The following HNRNPC variants were observed in gnomAD, a reference collection of about 807,000 sequenced individuals.
HNRNPC encodes heterogeneous nuclear ribonucleoproteins C1/C2.
A neutral mutation model predicts 33.2 loss-of-function variants in HNRNPC; 3 were observed. The ratio of observed to expected loss-of-function variants is 0.09; its 90% CI spans 0.04 to 0.23. The LOEUF (loss-of-function observed/expected upper bound fraction) is 0.23, where lower values mean the gene tolerates loss of function less well. Ranked by LOEUF, HNRNPC falls within the 10% of genes least tolerant of loss-of-function variation. The probability of loss-of-function intolerance (pLI) is 1.00; values close to 1 mark genes in which losing one functional copy is unlikely to be tolerated. For missense variants in HNRNPC, 143 were observed against 366.7 expected (o/e 0.39, Z 4.98); for synonymous variants, 121 against 126.7 (o/e 0.96, Z 0.30).
At chr14:21,221,116 G>T (rs546281891) in intron 5 of HNRNPC, among the ~76,000 whole-genome samples, 1 of 152,196 alleles carries the variant, frequency 6.6e-6, no homozygotes, top group East Asian at 1.9e-4. Context: ...AAAAAACACA[G>T]CTATTGTGCC....
At chr14:21,213,918 T>C (rs1215235782) in intron 5 of HNRNPC, among the ~76,000 whole-genome samples, 1 of 152,234 alleles carries the variant, frequency 6.6e-6, no homozygotes, top group African/African-American at 2.4e-5. Context: ...ATTAGAAATC[T>C]TAATTTCAAA....
At chr14:21,219,264 G>GC (rs1399260672) in intron 5 of HNRNPC, among the ~76,000 whole-genome samples, 2 of 152,130 alleles carry the variant, frequency 1.3e-5, no homozygotes, top group African/African-American at 4.8e-5. Flanking sequence ...GAGTGAAGGT[G>GC]CATTTCAGAG....
chr14:21,257,477 G>A (rs1451188053), intron 2 of HNRNPC, among the ~76,000 whole-genome samples: 1 of 151,862 alleles, frequency 6.6e-6, no homozygotes, highest in Non-Finnish European at 1.5e-5. Context: ...CCTGGGCTTA[G>A]TTAATGCATC....
At chr14:21,233,906 G>GA (rs752639827) in intron 3 of HNRNPC, 47 bp downstream of exon 3, 2 of 1,579,288 alleles carry the variant, frequency 1.3e-6, no homozygotes, top group East Asian at 2.2e-5. Context: ...AACGTGAATA[G>GA]AAAAACTCAG....
At chr14:21,263,029 A>C (rs906855216) in intron 2 of HNRNPC, 1 of 152,126 alleles carries the variant, frequency 6.6e-6, no homozygotes, top group Non-Finnish European at 1.5e-5. Context: ...TTGGGAGAGA[A>C]AAGGTTTACG....
In HNRNPC at chr14:21,211,611, C is replaced by G. The variant is rs375059313; in HGVS notation, c.638-45G>C. 2.5e-6 allele frequency: 4 copies of G among 1,572,188 alleles called. No homozygotes were observed. In the Middle Eastern group the frequency reaches 5.0e-4, roughly 197 times the overall value. ...GTCTGTCTAGGGGCAGTAATGTCCA[C>G]AGGACGTAGACAATCCCCACTAAGG... On this transcript the variant is annotated intron_variant, in intron 7 of 8. Coordinates refer to ENST00000553300, the MANE Select transcript of HNRNPC (RefSeq NM_004500.4).
chr14:21,262,124 TA>T (rs1222609073), intron 2 of HNRNPC, among the ~76,000 whole-genome samples: 3 of 152,214 alleles, frequency 2.0e-5, no homozygotes, highest in Non-Finnish European at 2.9e-5. Context: ...TTCAAATTTT[TA>T]AAAGCCCTCC....
rs779781149 is a variant in HNRNPC, at chr14:21,267,360, T to TA, written c.-63+1937dup. On this transcript the variant is annotated intron_variant, in intron 1 of 8. Coordinates refer to ENST00000553300, the MANE Select transcript of HNRNPC (RefSeq NM_004500.4). Reference sequence around the variant, plus strand: ...ATTTAATAATTTGCCCCTTAGTCTTTAAAATTAGAGCAACTAGCTATTTTG... The same window carrying TA: ...ATTTAATAATTTGCCCCTTAGTCTTTAAAAATTAGAGCAACTAGCTATTTTG... Among the ~76,000 whole-genome samples, 7 of 152,310 alleles carry TA rather than the reference T, an allele frequency of 4.6e-5. No homozygotes were observed. In the South Asian group the frequency reaches 1.4e-3, roughly 32 times the overall value.
intron 2 of HNRNPC, among the ~76,000 whole-genome samples, chr14:21,240,657 G>A (rs779137148): frequency 1.3e-5 from 2 of 152,096 alleles, no homozygotes; most frequent in African/African-American, 2.4e-5. Flanking sequence ...TAGAGTTCAG[G>A]TCACAGGAGA....
chr14:21,220,069 T>C (rs1463692339), intron 5 of HNRNPC, among the ~76,000 whole-genome samples: 2 of 152,218 alleles, frequency 1.3e-5, no homozygotes, highest in Non-Finnish European at 2.9e-5. Context: ...CCATTATCTT[T>C]CTCAGTAAGA....
chr14:21,236,983 G>A (rs1894765261), intron 2 of HNRNPC, among the ~76,000 whole-genome samples: 1 of 152,142 alleles, frequency 6.6e-6, no homozygotes, highest in Admixed American at 6.5e-5. Flanking sequence ...AATAGACTTA[G>A]AAATACAAGA....
chr14:21,251,482 C>A (rs926799713), intron 2 of HNRNPC, among the ~76,000 whole-genome samples: 12 of 152,006 alleles, frequency 7.9e-5, no homozygotes, highest in African/African-American at 2.4e-4. Flanking sequence ...AGTTCCAGAC[C>A]AGCCTGGCCT....
chr14:21,239,681 C>G (rs527804573), intron 2 of HNRNPC, among the ~76,000 whole-genome samples: 42 of 152,206 alleles, frequency 2.8e-4, no homozygotes, highest in African/African-American at 1.0e-3. Context: ...CGAGACCAGC[C>G]TGGGCAACAT....
At chr14:21,266,216 C>T (rs1227222009) in intron 1 of HNRNPC, among the ~76,000 whole-genome samples, 2 of 152,194 alleles carry the variant, frequency 1.3e-5, no homozygotes, top group African/African-American at 2.4e-5. Context: ...GATTCTCCTG[C>T]CTCAGCCTCC....
At chr14:21,246,697 TG>T in intron 2 of HNRNPC, among the ~76,000 whole-genome samples, 1 of 152,350 alleles carries the variant, frequency 6.6e-6, no homozygotes, top group East Asian at 1.9e-4. Context: ...GCTACTTTTC[TG>T]TTTACTTTGG....
intron 5 of HNRNPC, among the ~76,000 whole-genome samples, chr14:21,223,435 T>C (rs549216392): frequency 1.3e-5 from 2 of 152,120 alleles, no homozygotes; most frequent in African/African-American, 4.8e-5. Flanking sequence ...AAAGGAATAC[T>C]AAGAAATAAA....
intron 5 of HNRNPC, among the ~76,000 whole-genome samples, chr14:21,227,448 C>T (rs1893598961): frequency 6.6e-6 from 1 of 152,222 alleles, no homozygotes; most frequent in Non-Finnish European, 1.5e-5. Flanking sequence ...GAAGACATTA[C>T]TTTTCACTGA....
intron 5 of HNRNPC, among the ~76,000 whole-genome samples, chr14:21,215,909 A>G (rs1566596007): frequency 1.3e-5 from 2 of 149,776 alleles, no homozygotes; most frequent in South Asian, 2.1e-4. Flanking sequence ...AAAAAAAAAA[A>G]AAAGAAAGGA....
intron 3 of HNRNPC, among the ~76,000 whole-genome samples, chr14:21,233,175 A>G (rs1421101089): frequency 1.3e-5 from 2 of 152,244 alleles, no homozygotes; most frequent in Non-Finnish European, 2.9e-5. Flanking sequence ...AAAGAGAATT[A>G]AATTTCTGAA....
Sources: allele counts gnomAD v4.1 joint callset (sites outside exome capture counted in the v4.1 genomes callset), GRCh38; gene constraint gnomAD v4.1.1; transcripts MANE v1.5; gene names NCBI Gene and HGNC (gene_info 2026-07-23, HGNC 2026-07-21).